The following DNAJC7 variants were observed in gnomAD, a reference collection of about 807,000 sequenced individuals.
The protein encoded by DNAJC7 is DnaJ heat shock protein family (Hsp40) member C7, also known as dnaJ homolog subfamily C member 7.
In DNAJC7, 18 loss-of-function variants were observed where a neutral mutation model predicts 67.4. The ratio of observed to expected loss-of-function variants is 0.27; its 90% CI spans 0.18 to 0.40. The LOEUF (loss-of-function observed/expected upper bound fraction) is 0.40, where lower values mean the gene tolerates loss of function less well. DNAJC7 is among the 10% of genes least tolerant of loss of function. DNAJC7 has a pLI of 1.00. For missense variants in DNAJC7, 419 were observed against 613.8 expected, an observed-to-expected ratio of 0.68 and a Z score of 3.35; for synonymous variants, 220 against 207.8, an observed-to-expected ratio of 1.06 and a Z score of -0.50.
intron 9 of DNAJC7, among the ~76,000 whole-genome samples, chr17:41,984,081 A>G (rs540049228): frequency 6.6e-6 from 1 of 152,314 alleles, no homozygotes; most frequent in Non-Finnish European, 1.5e-5. Flanking sequence ...TACAATCCAG[A>G]ATAGAGGTGG....
chr17:41,986,832 T>C (rs1336785601), intron 9 of DNAJC7, among the ~76,000 whole-genome samples: 3 of 152,156 alleles, frequency 2.0e-5, no homozygotes, highest in African/African-American at 7.2e-5. Flanking sequence ...TGAGATAATT[T>C]TGAGAAAACT....
rs1322436363 is a variant in DNAJC7 at position 42,011,423 on chromosome 17, C to G, written c.77+5917G>C. 5.3e-5 allele frequency: 8 copies of G among 152,340 alleles called. 1 individual carries two copies. The highest frequency in any genetic ancestry group is 4.6e-4 in the Admixed American group (7 of 15,288). The allele number at this position is 152,340 out of a possible 1,614,324, so 9.4% of individuals were successfully genotyped here. A position where few individuals can be genotyped will look rare whatever the true frequency, so the allele number is the denominator to read the frequency against. ...TCTCAAAATTCTTGTTTCTCTGGCA[C>G]TAGTTAACATGTGGATCTGAACTAA... is the stretch of plus-strand genomic sequence containing the variant. On this transcript the variant is annotated intron_variant, in intron 1 of 13. Transcript: ENST00000457167.
chr17:41,976,668 G>GT lies in DNAJC7; in HGVS notation c.*64dup. 6.3e-7 allele frequency: 1 copy of GT among 1,588,682 alleles called. No individual in the cohort carries two copies. The highest frequency in any genetic ancestry group is 8.6e-7 in the Non-Finnish European group (1 of 1,167,432). On this transcript the variant is annotated 3_prime_UTR_variant, in exon 14 of 14. Coordinates refer to ENST00000457167, the MANE Select transcript of DNAJC7 (RefSeq NM_003315.4). ...ACGTGATGAAGGGAGGAGGTGAACT[G>GT]TTTCCACATTCAAGATTAAACTGAG...
At chr17:41,983,757 G>C in intron 9 of DNAJC7, 121 bp from the exon 10 acceptor site, 1 of 740,880 alleles carries the variant, frequency 1.3e-6, no homozygotes, top group Non-Finnish European at 2.1e-6. Flanking sequence ...AGATGCTTCA[G>C]AAACAGGAGC....
chr17:42,007,907 G>A (rs57825218), intron 1 of DNAJC7, among the ~76,000 whole-genome samples: 24,096 of 142,628 alleles, frequency 0.17, 2,430 homozygotes, highest in African/African-American at 0.27. Context: ...GTGCAATGGC[G>A]TGATCTCAGC....
In DNAJC7 at chr17:41,988,792, G is replaced by T; in HGVS notation, c.858C>A (p.Asp286Glu). 1.2e-6 allele frequency: 2 copies of T among 1,613,450 alleles called. No individual in the cohort carries two copies. Among genetic ancestry groups the T allele is most frequent in the Non-Finnish European group, 1.7e-6 (2 of 1,179,684 alleles). Residue 286 changes from aspartate to glutamate, a missense_variant, in exon 8 of 14, where the codon GAC (aspartate) becomes GAA (glutamate). By Grantham distance (45) the Asp-to-Glu change is conservative (BLOSUM62 2). Around this residue, in one of 4 missense-constraint regions of DNAJC7, gnomAD observed 161 missense variants for 252.2 expected, o/e 0.64. Coordinates refer to ENST00000457167, the MANE Select transcript of DNAJC7 (RefSeq NM_003315.4). The part of the protein sequence containing the change: ...YELYTEALGI[D>E]PNNIKTNAKL... ...TAGCATTTGTTTTTATATTGTTGGG[G>T]TCTATCCCCAGGGCTTCTGTGTACA...
At position 42,006,728 on chromosome 17, in the gene DNAJC7, C is replaced by T. The variant is rs1384057496; in HGVS notation, c.78-6158G>A. On this transcript the variant is annotated intron_variant, in intron 1 of 13. Coordinates refer to ENST00000457167, the MANE Select transcript of DNAJC7 (RefSeq NM_003315.4). The stretch of plus-strand genomic sequence containing the variant: ...AGGAGAATCCCTTGAACCCAGGAGA[C>T]GGTGGTTGTGATGAGCCAAGGTTAC... Among the ~76,000 whole-genome samples, 10 of 132,572 alleles carry T rather than the reference C, an allele frequency of 7.5e-5. No homozygotes were observed. The East Asian group carries it at 1.2e-3, about 16-fold the overall frequency. 87.0% of individuals were successfully genotyped at this position (132,572 alleles called of 152,430 possible). A position where few individuals can be genotyped will look rare whatever the true frequency, so the allele number is the denominator to read the frequency against.
At chr17:42,015,150 T>C (rs1250663142) in intron 1 of DNAJC7, 1 of 151,950 alleles carries the variant, frequency 6.6e-6, no homozygotes, top group Non-Finnish European at 1.5e-5. Context: ...CCGCTAATTT[T>C]TGTATTTTTA....
At chr17:41,996,513 A>C in intron 3 of DNAJC7, 89 bp from the exon 4 acceptor site, 4 of 1,183,072 alleles carry the variant, frequency 3.4e-6, no homozygotes, top group Non-Finnish European at 4.8e-6. Context: ...CACAAAACCA[A>C]CACAGAGGCC....
At chr17:42,002,817 A>G (rs1205771892) in intron 1 of DNAJC7, among the ~76,000 whole-genome samples, 1 of 152,216 alleles carries the variant, frequency 6.6e-6, no homozygotes, top group Non-Finnish European at 1.5e-5. Flanking sequence ...CAATACATAT[A>G]AATTTGTTTA....
chr17:41,989,348 C>T (rs1355043841), intron 7 of DNAJC7, 56 bp downstream of exon 7: 1 of 1,595,878 alleles, frequency 6.3e-7, no homozygotes, highest in African/African-American at 1.3e-5. Flanking sequence ...CTCTAGCCAT[C>T]TTAAAGGTCC....
At chr17:41,981,051 G>A (rs1375569728) in intron 12 of DNAJC7, among the ~76,000 whole-genome samples, 1 of 151,854 alleles carries the variant, frequency 6.6e-6, no homozygotes, top group Non-Finnish European at 1.5e-5. Flanking sequence ...TTTTTAGTGG[G>A]GAGGGATGGA....
intron 4 of DNAJC7, 83 bp downstream of exon 4, chr17:41,996,228 A>G: frequency 7.4e-7 from 1 of 1,355,630 alleles, no homozygotes; most frequent in Non-Finnish European, 1.0e-6. Flanking sequence ...GTGAGACTAG[A>G]CCTCAGTTCC....
At chr17:42,006,527 G>A (rs1185643676) in intron 1 of DNAJC7, among the ~76,000 whole-genome samples, 2 of 151,548 alleles carry the variant, frequency 1.3e-5, no homozygotes, top group African/African-American at 4.8e-5. Context: ...GGCTGGGCAC[G>A]GTGGCTCACG....
intron 1 of DNAJC7, among the ~76,000 whole-genome samples, chr17:42,004,612 C>A (rs2143297162): frequency 6.6e-6 from 1 of 152,328 alleles, no homozygotes; most frequent in Non-Finnish European, 1.5e-5. Context: ...TCTGTCCTCT[C>A]TGGATGCATG....
intron 1 of DNAJC7, chr17:42,017,029 G>C: frequency 7.6e-7 from 1 of 1,320,962 alleles, no homozygotes; most frequent in Non-Finnish European, 9.7e-7. Context: ...ACGCCGCGCC[G>C]CTTCCCCCAC....
intron 9 of DNAJC7, among the ~76,000 whole-genome samples, chr17:41,986,320 G>A (rs113561206): frequency 1.6e-3 from 239 of 151,950 alleles, no homozygotes; most frequent in African/African-American, 5.6e-3. Context: ...GAGCCAGTAC[G>A]GTGCTACTGC....
chr17:42,006,694 C>T (rs1236438463), intron 1 of DNAJC7, among the ~76,000 whole-genome samples: 7 of 145,126 alleles, frequency 4.8e-5, no homozygotes, highest in African/African-American at 1.3e-4. Flanking sequence ...CTACCCGGGA[C>T]GCTGATGCAG....
At chr17:41,998,128 G>A (rs112857691) in intron 2 of DNAJC7, among the ~76,000 whole-genome samples, 1 of 151,808 alleles carries the variant, frequency 6.6e-6, no homozygotes, top group Non-Finnish European at 1.5e-5. Flanking sequence ...CTCCAAAAGC[G>A]TTGGGATTAC....
Sources: gnomAD v4.1 joint callset for allele counts (sites outside exome capture counted in the v4.1 genomes callset) on GRCh38, gnomAD v4.1.1 for gene constraint, gnomAD v4.1.1 regional missense constraint, MANE v1.5 for transcripts, NCBI Gene and HGNC (gene_info 2026-07-23, HGNC 2026-07-21) for gene names.